The following ZNF644 variants were observed in gnomAD, a reference collection of about 807,000 sequenced individuals.
ZNF644 encodes the protein zinc finger protein 644, also known as zinc finger motif enhancer binding protein 2.
In ZNF644, 20 loss-of-function variants were observed where a neutral mutation model predicts 108.0. That is an observed-to-expected ratio of 0.19 (90% CI 0.13 to 0.27). The LOEUF (loss-of-function observed/expected upper bound fraction) is 0.27. Ranked by LOEUF, ZNF644 falls within the 10% of genes least tolerant of loss-of-function variation. ZNF644 has a pLI of 1.00. For synonymous variants in ZNF644, 542 were observed against 539.1 expected (o/e 1.01, Z -0.08); for missense variants, 1,338 against 1,548.9 (o/e 0.86, Z 2.29).
intron 1 of ZNF644, among the ~76,000 whole-genome samples, chr1:90,991,179 T>C (rs1236751432): frequency 1.3e-5 from 2 of 152,194 alleles, no homozygotes. Context: ...TATCAAAAGA[T>C]GCTCAGTATC....
intron 1 of ZNF644, among the ~76,000 whole-genome samples, chr1:91,007,219 C>CGTTTTTTTTTTTT (rs1557658445): frequency 8.8e-6 from 1 of 114,248 alleles, no homozygotes; most frequent in Non-Finnish European, 1.8e-5. Context: ...CATTTTCTCC[C>CGTTTTTTTTTTTT]ATTTTGTTTT....
intron 1 of ZNF644, among the ~76,000 whole-genome samples, chr1:90,984,536 C>T (rs1473759432): frequency 6.6e-6 from 1 of 152,022 alleles, no homozygotes; most frequent in African/African-American, 2.4e-5. Context: ...TATAGGCACA[C>T]ACCACCATGC....
Position 90,937,792 on chromosome 1 carries a change from T to G in ZNF644, c.3381A>C (p.Ala1127=), listed in dbSNP as rs1249433698. ...CTTCAGTCTTTAGGCCATTACGGTA[T>G]GCTTCAAGAGGTATAACATTTTGAG... The part of the protein sequence containing the change: ...FISQNVIPLE[A]YRNGLKTEAL... The change falls in exon 4 of 6, where the codon GCA becomes GCC. Residue 1127 remains alanine (A), a synonymous_variant. Coordinates refer to ENST00000337393, the MANE Select transcript of ZNF644 (RefSeq NM_201269.3). 1 of 1,613,936 alleles carries G rather than the reference T, an allele frequency of 6.2e-7. No homozygotes were observed. The highest frequency in any genetic ancestry group is 8.5e-7 in the Non-Finnish European group (1 of 1,179,892).
intron 2 of ZNF644, among the ~76,000 whole-genome samples, chr1:90,956,086 G>A (rs1039207373): frequency 1.3e-5 from 2 of 152,148 alleles, no homozygotes; most frequent in Admixed American, 1.3e-4. Flanking sequence ...AGAGAGACAG[G>A]CAAGGAAGGG....
chr1:91,013,451 T>TCACACACACACA (rs10590932), intron 1 of ZNF644, among the ~76,000 whole-genome samples: 5 of 140,052 alleles, frequency 3.6e-5, no homozygotes, highest in African/African-American at 7.8e-5. Flanking sequence ...AATCTCTCTC[T>TCACACACACACA]CACACACACA....
intron 2 of ZNF644, among the ~76,000 whole-genome samples, chr1:90,946,859 A>G (rs937249851): frequency 6.6e-6 from 1 of 152,144 alleles, no homozygotes; most frequent in African/African-American, 2.4e-5. Context: ...GCCATGTACC[A>G]TCCTCACTTG....
chr1:90,931,029 T>A (rs1022617391), intron 4 of ZNF644, among the ~76,000 whole-genome samples: 5 of 152,180 alleles, frequency 3.3e-5, no homozygotes, highest in Admixed American at 2.6e-4. Flanking sequence ...ATAACCAGGA[T>A]GATTAATTTA....
At chr1:90,962,559 C>G (rs1337293803) in intron 2 of ZNF644, among the ~76,000 whole-genome samples, 1 of 151,954 alleles carries the variant, frequency 6.6e-6, no homozygotes, top group Admixed American at 6.6e-5. Context: ...ATAGTAAGTT[C>G]TAGGTAGATG....
At chr1:90,995,467 T>G (rs1311051498) in intron 1 of ZNF644, among the ~76,000 whole-genome samples, 1 of 152,114 alleles carries the variant, frequency 6.6e-6, no homozygotes, top group Non-Finnish European at 1.5e-5. Context: ...CATAAAAAAT[T>G]TTTTGTTGAT....
chr1:91,009,197 T>C (rs988343028), intron 1 of ZNF644, among the ~76,000 whole-genome samples: 34 of 152,172 alleles, frequency 2.2e-4, no homozygotes, highest in African/African-American at 8.0e-4. Flanking sequence ...CCTAAAAGCT[T>C]AATATTTCCA....
intron 1 of ZNF644, among the ~76,000 whole-genome samples, chr1:90,993,534 GCTAA>G (rs1557641222): frequency 6.6e-6 from 1 of 152,156 alleles, no homozygotes; most frequent in Non-Finnish European, 1.5e-5. Context: ...ACAATAATTA[GCTAA>G]CTGACAGAGC....
intron 2 of ZNF644, among the ~76,000 whole-genome samples, chr1:90,962,121 A>G (rs1654393965): frequency 6.6e-6 from 1 of 152,276 alleles, no homozygotes; most frequent in East Asian, 1.9e-4. Context: ...ATAAGACCTA[A>G]TATCATAAAG....
intron 1 of ZNF644, among the ~76,000 whole-genome samples, chr1:90,990,455 T>C (rs1035331884): frequency 9.2e-5 from 14 of 152,098 alleles, no homozygotes; most frequent in African/African-American, 3.1e-4. Flanking sequence ...TATTAGACAT[T>C]AGGCAACCCC....
At chr1:90,997,926 C>T (rs1217759854) in intron 1 of ZNF644, among the ~76,000 whole-genome samples, 1 of 152,222 alleles carries the variant, frequency 6.6e-6, no homozygotes, top group Admixed American at 6.5e-5. Flanking sequence ...GAGGGTCCCA[C>T]GCCCATGGAG....
chr1:90,994,982 A>G (rs1658013470), intron 1 of ZNF644, among the ~76,000 whole-genome samples: 1 of 152,120 alleles, frequency 6.6e-6, no homozygotes, highest in African/African-American at 2.4e-5. Flanking sequence ...AAGACCTGCA[A>G]CTCTAAGAAC....
intron 2 of ZNF644, among the ~76,000 whole-genome samples, chr1:90,957,516 A>G (rs1432647118): frequency 6.6e-6 from 1 of 152,220 alleles, no homozygotes; most frequent in Non-Finnish European, 1.5e-5. Context: ...TAATAGAACA[A>G]AGAAAAAACA....
At chr1:90,992,301 CT>C (rs1159349670) in intron 1 of ZNF644, among the ~76,000 whole-genome samples, 1 of 151,444 alleles carries the variant, frequency 6.6e-6, no homozygotes, top group Non-Finnish European at 1.5e-5. Flanking sequence ...TTCAATAAAT[CT>C]GTTAAAAATT....
chr1:91,020,273 T>C (rs1396634282), intron 1 of ZNF644, among the ~76,000 whole-genome samples: 1 of 152,036 alleles, frequency 6.6e-6, no homozygotes, highest in Non-Finnish European at 1.5e-5. Context: ...AGTTAACTAA[T>C]GTTGAAAAAT....
At chr1:90,936,603 C>T (rs1249592653) in intron 4 of ZNF644, among the ~76,000 whole-genome samples, 2 of 152,088 alleles carry the variant, frequency 1.3e-5, no homozygotes, top group East Asian at 3.9e-4. Context: ...TAACTATTAC[C>T]TCTGACACAT....
Sources: allele counts gnomAD v4.1 joint callset (sites outside exome capture counted in the v4.1 genomes callset), GRCh38; gene constraint gnomAD v4.1.1; transcripts MANE v1.5; gene names NCBI Gene and HGNC (gene_info 2026-07-23, HGNC 2026-07-21).